KATNAL1: variants seen among roughly 807,000 people sequenced by gnomAD.
KATNAL1 encodes katanin catalytic subunit A1 like 1, also known as katanin p60 ATPase-containing subunit A-like 1.
In KATNAL1, 32 loss-of-function variants were observed where a neutral mutation model predicts 55.2. The observed-to-expected ratio is 0.58, with a 90% CI of 0.44 to 0.78. The LOEUF (loss-of-function observed/expected upper bound fraction) is 0.78, where lower values mean the gene tolerates loss of function less well. Among genes scored for constraint, KATNAL1 ranks in the 30% least tolerant of loss-of-function variants. The probability of loss-of-function intolerance (pLI) is 0.00; values close to 1 mark genes in which losing one functional copy is unlikely to be tolerated. For synonymous variants in KATNAL1, 193 were observed against 193.6 expected (o/e 1.00, Z 0.02); for missense variants, 466 against 600.9 (o/e 0.78, Z 2.35).
intron 3 of KATNAL1, among the ~76,000 whole-genome samples, chr13:30,263,909 C>T (rs1467719466): frequency 6.7e-6 from 1 of 150,172 alleles, no homozygotes; most frequent in African/African-American, 2.5e-5. Context: ...AAAGAGCCCA[C>T]ATCGCAAAGT....
chr13:30,296,829 G>A (rs1163416392), intron 1 of KATNAL1: 5 of 383,210 alleles, frequency 1.3e-5, no homozygotes, highest in African/African-American at 2.1e-5. Flanking sequence ...GCTGACCCAG[G>A]AAAGGCCAGA....
rs370632416 is a variant in KATNAL1 at position 30,272,418 on chromosome 13, G to GA, written c.323+7644dup. ...GTCTCAAAAAAAAGAAAGAAAAAAAGAAAAAAGGGGCAGTGAAGGGCAACA... is the reference window on the plus strand; with the variant it reads ...GTCTCAAAAAAAAGAAAGAAAAAAAGAAAAAAAGGGGCAGTGAAGGGCAACA... On this transcript the variant is annotated intron_variant, in intron 3 of 10. Coordinates refer to ENST00000380615, the MANE Select transcript of KATNAL1 (RefSeq NM_032116.5). Among the ~76,000 whole-genome samples, 706 of 152,064 alleles carry GA rather than the reference G, an allele frequency of 4.6e-3. 7 individuals are homozygous for GA. Among genetic ancestry groups the GA allele is most frequent in the African/African-American group, 0.015 (642 of 41,514 alleles).
In KATNAL1 at chr13:30,285,037, G is replaced by C. The variant is rs55753929; in HGVS notation, c.-14-1246C>G. Reference sequence around the variant, plus strand: ...TGCCTTCTTCAGGGAATTAAACTTTGGTTTGGGGAGCCTGACTCTTCTACT... The same window carrying C: ...TGCCTTCTTCAGGGAATTAAACTTTCGTTTGGGGAGCCTGACTCTTCTACT... On this transcript the variant is annotated intron_variant, in intron 1 of 10. Coordinates refer to ENST00000380615, the MANE Select transcript of KATNAL1 (RefSeq NM_032116.5). 6.5e-4 allele frequency among the ~76,000 whole-genome samples: 99 copies of C among 152,244 alleles called. 1 individual carries two copies. Among genetic ancestry groups the C allele is most frequent in the Non-Finnish European group, 1.1e-3 (78 of 68,006 alleles).
chr13:30,295,062 A>G (rs1007355056), intron 1 of KATNAL1, among the ~76,000 whole-genome samples: 1 of 152,264 alleles, frequency 6.6e-6, no homozygotes, highest in African/African-American at 2.4e-5. Flanking sequence ...ATGTAGATGT[A>G]CAAAGAGATA....
chr13:30,292,330 A>C (rs2137554988), intron 1 of KATNAL1, among the ~76,000 whole-genome samples: 1 of 152,320 alleles, frequency 6.6e-6, no homozygotes, highest in East Asian at 1.9e-4. Flanking sequence ...TAAGAGTTAA[A>C]ACTATAAAGC....
At chr13:30,210,235 G>T (rs1043077417) in intron 10 of KATNAL1, 81 bp downstream of exon 10, 1 of 1,223,332 alleles carries the variant, frequency 8.2e-7, no homozygotes, top group Non-Finnish European at 1.1e-6. Flanking sequence ...ACTACACTGG[G>T]CTAACTACAT....
Position 30,203,421 on chromosome 13 carries a change from G to C in KATNAL1, c.*5119C>G, listed in dbSNP as rs962494516. On this transcript the variant is annotated 3_prime_UTR_variant, in exon 11 of 11. Transcript: ENST00000380615. Reference sequence around the variant, plus strand: ...AGACTCTGGGAATTACACGTGCAAAGAGTCAGGTTTTCCAAAGGGCGATAT... The same window carrying C: ...AGACTCTGGGAATTACACGTGCAAACAGTCAGGTTTTCCAAAGGGCGATAT... 6.6e-6 allele frequency: 1 copy of C among 152,202 alleles called. No individual in the cohort carries two copies. The highest frequency in any genetic ancestry group is 1.5e-5 in the Non-Finnish European group (1 of 68,032). 9.4% of individuals were successfully genotyped at this position (152,202 alleles called of 1,614,324 possible).
intron 1 of KATNAL1, among the ~76,000 whole-genome samples, chr13:30,305,550 C>T (rs574971112): frequency 1.4e-4 from 21 of 152,336 alleles, no homozygotes; most frequent in African/African-American, 4.6e-4. Flanking sequence ...CAGGTTCACA[C>T]GTTACCAGCT....
intron 4 of KATNAL1, among the ~76,000 whole-genome samples, chr13:30,252,597 G>A (rs1878422359): frequency 6.6e-6 from 1 of 152,066 alleles, no homozygotes; most frequent in South Asian, 2.1e-4. Flanking sequence ...CTGTACTTAT[G>A]GGCAATAAAC....
Position 30,204,801 on chromosome 13 carries a change from G to A in KATNAL1, c.*3739C>T, listed in dbSNP as rs1872963406. 1 of 152,104 alleles carries A rather than the reference G, an allele frequency of 6.6e-6. No individual in the cohort carries two copies. Among genetic ancestry groups the A allele is most frequent in the African/African-American group, 2.4e-5 (1 of 41,410 alleles). 9.4% of individuals were successfully genotyped at this position (152,104 alleles called of 1,614,324 possible). A position where few individuals can be genotyped will look rare whatever the true frequency, so the allele number is the denominator to read the frequency against. On this transcript the variant is annotated 3_prime_UTR_variant, in exon 11 of 11. Transcript: ENST00000380615. ...CTCAGAAGCTGAAATTAAGCCCTGA[G>A]CTATACAGCTAGACCACCGCATGTT...
chr13:30,260,827 T>C (rs1306592896), intron 3 of KATNAL1, among the ~76,000 whole-genome samples: 1 of 147,562 alleles, frequency 6.8e-6, no homozygotes, highest in Non-Finnish European at 1.5e-5. Context: ...TTCCCCAATC[T>C]AGCAAGGCAG....
intron 4 of KATNAL1, among the ~76,000 whole-genome samples, chr13:30,242,852 A>C (rs1020806313): frequency 6.6e-6 from 1 of 152,244 alleles, no homozygotes; most frequent in Non-Finnish European, 1.5e-5. Context: ...AGGTTATAAA[A>C]AACAGACATA....
chr13:30,294,976 C>CT (rs1232672883), intron 1 of KATNAL1, among the ~76,000 whole-genome samples: 1 of 152,184 alleles, frequency 6.6e-6, no homozygotes, highest in Non-Finnish European at 1.5e-5. Flanking sequence ...ACTTTGAGAG[C>CT]TATGGCTCAG....
intron 2 of KATNAL1, among the ~76,000 whole-genome samples, chr13:30,282,535 A>G (rs1171383045): frequency 6.6e-6 from 1 of 151,946 alleles, no homozygotes; most frequent in Admixed American, 6.6e-5. Flanking sequence ...CTACTTGGGA[A>G]GCTGAGATGG....
chr13:30,225,028 C>T (rs1016989487), intron 9 of KATNAL1, among the ~76,000 whole-genome samples: 3 of 152,192 alleles, frequency 2.0e-5, no homozygotes, highest in Non-Finnish European at 4.4e-5. Flanking sequence ...TGGGGCAGCA[C>T]TTCCACCTTC....
At chr13:30,215,397 C>T (rs1022129890) in intron 9 of KATNAL1, among the ~76,000 whole-genome samples, 2 of 152,240 alleles carry the variant, frequency 1.3e-5, no homozygotes, top group Admixed American at 6.5e-5. Context: ...ACTACAAATA[C>T]CATTTGACCC....
At chr13:30,283,133 T>C (rs1050857856) in intron 2 of KATNAL1, among the ~76,000 whole-genome samples, 12 of 150,748 alleles carry the variant, frequency 8.0e-5, no homozygotes, top group African/African-American at 2.9e-4. Context: ...CTGGGCGTGG[T>C]GGCACATGCC....
Position 30,208,479 on chromosome 13 carries a change from T to C in KATNAL1, c.*61A>G. 7.3e-7 allele frequency: 1 copy of C among 1,377,784 alleles called. No individual in the cohort carries two copies. The highest frequency in any genetic ancestry group is 1.7e-5 in the South Asian group (1 of 59,744). 85.3% of individuals were successfully genotyped at this position (1,377,784 alleles called of 1,614,324 possible). ...AATTCCAAACTTGTTTTTTAAAAAT[T>C]GCAGGAATTTCTTCGTATTTTATCA... is the stretch of plus-strand genomic sequence containing the variant. On this transcript the variant is annotated 3_prime_UTR_variant, in exon 11 of 11. Coordinates refer to ENST00000380615, the MANE Select transcript of KATNAL1 (RefSeq NM_032116.5).
intron 3 of KATNAL1, among the ~76,000 whole-genome samples, chr13:30,274,521 T>C (rs1229941809): frequency 6.6e-6 from 1 of 152,224 alleles, no homozygotes; most frequent in African/African-American, 2.4e-5. Flanking sequence ...ATTAGAGTTT[T>C]AGCACACCTA....
Sources: gnomAD v4.1 joint callset for allele counts (sites outside exome capture counted in the v4.1 genomes callset) on GRCh38, gnomAD v4.1.1 for gene constraint, MANE v1.5 for transcripts, NCBI Gene and HGNC (gene_info 2026-07-23, HGNC 2026-07-21) for gene names.